SUGT1: variants seen among roughly 807,000 people sequenced by gnomAD.
SUGT1 encodes protein SGT1 homolog.
SUGT1 carries 15 observed loss-of-function variants against 56.1 expected under a neutral mutation model. The ratio of observed to expected loss-of-function variants is 0.27; its 90% CI spans 0.18 to 0.41. The LOEUF (loss-of-function observed/expected upper bound fraction) is 0.41, where lower values mean the gene tolerates loss of function less well. Among genes scored for constraint, SUGT1 ranks in the 10% least tolerant of loss-of-function variants. The probability of loss-of-function intolerance (pLI) is 1.00; values close to 1 mark genes in which losing one functional copy is unlikely to be tolerated. For synonymous variants in SUGT1, 123 were observed against 128.6 expected, an observed-to-expected ratio of 0.96 and a Z score of 0.30; for missense variants, 347 against 382.2, an observed-to-expected ratio of 0.91 and a Z score of 0.77.
chr13:52,683,854 G>A (rs1963467853), intron 12 of SUGT1, among the ~76,000 whole-genome samples: 1 of 152,022 alleles, frequency 6.6e-6, no homozygotes, highest in African/African-American at 2.4e-5. Context: ...CAAGTTGTCA[G>A]TGTTTGTATA....
intron 2 of SUGT1, among the ~76,000 whole-genome samples, chr13:52,656,082 G>C (rs1405063198): frequency 6.6e-6 from 1 of 152,142 alleles, no homozygotes; most frequent in African/African-American, 2.4e-5. Flanking sequence ...ATTTTATAAG[G>C]GGTTATTAGT....
intron 8 of SUGT1, among the ~76,000 whole-genome samples, chr13:52,665,394 G>A (rs565844806): frequency 3.3e-5 from 5 of 152,240 alleles, no homozygotes; most frequent in African/African-American, 1.2e-4. Context: ...TCAGAACCCA[G>A]AAAATCATGC....
chr13:52,688,296 T>A lies in SUGT1; in HGVS notation c.*461T>A, dbSNP rs1963671141. Reference sequence around the variant, plus strand: ...TGTAAATACAATTTTTCTATGAAGATGTTTGGTTTATTTACCTTTTTCTTA... The same window carrying A: ...TGTAAATACAATTTTTCTATGAAGAAGTTTGGTTTATTTACCTTTTTCTTA... On this transcript the variant is annotated 3_prime_UTR_variant, in exon 13 of 13. Coordinates refer to ENST00000310528, the MANE Select transcript of SUGT1 (RefSeq NM_006704.5). The A allele has an allele frequency of 6.5e-6, 1 of 152,674 alleles. No homozygotes were observed. Among genetic ancestry groups the A allele is most frequent in the Non-Finnish European group, 1.5e-5 (1 of 68,050 alleles). 9.5% of individuals were successfully genotyped at this position (152,674 alleles called of 1,614,324 possible).
At chr13:52,671,101 TG>T (rs1390868914) in intron 10 of SUGT1, among the ~76,000 whole-genome samples, 1 of 151,794 alleles carries the variant, frequency 6.6e-6, no homozygotes, top group Non-Finnish European at 1.5e-5. Flanking sequence ...TATAATGGAA[TG>T]GGGTATCTGG....
chr13:52,654,360 C>T (rs537499653), intron 2 of SUGT1, among the ~76,000 whole-genome samples: 1 of 152,250 alleles, frequency 6.6e-6, no homozygotes, highest in African/African-American at 2.4e-5. Context: ...CTAGTGCTTC[C>T]TTTGGGAATC....
chr13:52,659,985 C>T lies in SUGT1; in HGVS notation c.328+736C>T, dbSNP rs1447048259. ...CTGGGACTACAGGCGACCACCACCA[C>T]GCCCGGCCAATTTTTTTGTATTTTT... On this transcript the variant is annotated intron_variant, in intron 5 of 12. Transcript: ENST00000310528. 4.6e-5 allele frequency among the ~76,000 whole-genome samples: 7 copies of T among 151,024 alleles called. No individual in the cohort carries two copies. In the East Asian group the frequency reaches 1.2e-3, roughly 25 times the overall value.
intron 10 of SUGT1, among the ~76,000 whole-genome samples, chr13:52,668,216 G>A (rs758354816): frequency 6.6e-6 from 1 of 152,096 alleles, no homozygotes; most frequent in Non-Finnish European, 1.5e-5. Context: ...TCCTGACCAC[G>A]TGATCTGCCC....
chr13:52,673,734 A>G (rs941365793), intron 10 of SUGT1, among the ~76,000 whole-genome samples: 37 of 152,210 alleles, frequency 2.4e-4, no homozygotes, highest in Admixed American at 1.2e-3. Flanking sequence ...TAATGTGGTG[A>G]TGTACACAGT....
intron 5 of SUGT1, among the ~76,000 whole-genome samples, chr13:52,661,768 C>A (rs1428884254): frequency 2.0e-5 from 3 of 152,060 alleles, no homozygotes; most frequent in African/African-American, 7.2e-5. Context: ...TACAATAGTT[C>A]TCTAGAATAC....
rs761070155 is a variant in SUGT1 at position 52,652,952 on chromosome 13, C to T, written c.32C>T (p.Ser11Phe). 6.2e-7 allele frequency: 1 copy of T among 1,614,220 alleles called. No homozygotes were observed. Among genetic ancestry groups the T allele is most frequent in the South Asian group, 1.1e-5 (1 of 91,078 alleles). The change falls in exon 1 of 13, where the codon TCC (serine) becomes TTC (phenylalanine). Residue 11 changes from serine (S) to phenylalanine (F), a missense_variant. Ser to Phe is a radical substitution (Grantham distance 155). Transcript: ENST00000310528. MAAAAAGTAT[S>F]QRFFQSFSDA... ...GCGGCTGCAGCAGGAACTGCAACAT[C>T]CCAGAGGTGCATGTTTTTCTTTCCC...
intron 12 of SUGT1, among the ~76,000 whole-genome samples, chr13:52,682,055 A>T (rs1303818306): frequency 6.6e-6 from 1 of 151,980 alleles, no homozygotes; most frequent in African/African-American, 2.4e-5. Context: ...GAACCAAAAT[A>T]TTTCATTTTG....
intron 10 of SUGT1, among the ~76,000 whole-genome samples, chr13:52,672,178 A>G (rs1594244317): frequency 6.6e-6 from 1 of 152,298 alleles, no homozygotes; most frequent in East Asian, 1.9e-4. Context: ...TTAGGAAGTA[A>G]TCACTCAGAC....
chr13:52,664,117 C>G (rs1337328431), intron 8 of SUGT1, 60 bp downstream of exon 8: 19 of 1,530,610 alleles, frequency 1.2e-5, no homozygotes, highest in Non-Finnish European at 1.6e-5. Flanking sequence ...GGAAGAAACC[C>G]TGTAGTTTAA....
chr13:52,656,051 A>C (rs1265116251), intron 2 of SUGT1, among the ~76,000 whole-genome samples: 1 of 152,244 alleles, frequency 6.6e-6, no homozygotes, highest in Non-Finnish European at 1.5e-5. Context: ...AGAGAGATCA[A>C]GTCAGATAGG....
rs1041442869 is a variant in SUGT1 at position 52,695,681 on chromosome 13, C to T, written c.*7846C>T. 1 of 152,214 alleles carries T rather than the reference C, an allele frequency of 6.6e-6. No individual in the cohort carries two copies. The highest frequency in any genetic ancestry group is 1.5e-5 in the Non-Finnish European group (1 of 68,036). 9.4% of individuals were successfully genotyped at this position (152,214 alleles called of 1,614,324 possible). ...CCCCAGCCAAAATTTTTGGCCACAT[C>T]TCTTGTCACTGCTTTGCTGTGTACT... is the stretch of plus-strand genomic sequence containing the variant. On this transcript the variant is annotated 3_prime_UTR_variant, in exon 13 of 13. Coordinates refer to ENST00000310528, the MANE Select transcript of SUGT1 (RefSeq NM_006704.5).
At chr13:52,663,259 A>G (rs1962546235) in intron 7 of SUGT1, 147 bp downstream of exon 7, 3 of 713,978 alleles carry the variant, frequency 4.2e-6, no homozygotes, top group Non-Finnish European at 4.3e-6. Context: ...GCACTGAAAT[A>G]AAATCATTTT....
At chr13:52,672,365 C>A (rs933556064) in intron 10 of SUGT1, among the ~76,000 whole-genome samples, 7 of 152,144 alleles carry the variant, frequency 4.6e-5, no homozygotes, top group African/African-American at 1.7e-4. Flanking sequence ...AGCACTGTTT[C>A]TGGCACAGAG....
intron 12 of SUGT1, among the ~76,000 whole-genome samples, chr13:52,684,933 C>G (rs940512367): frequency 4.0e-5 from 6 of 151,494 alleles, no homozygotes; most frequent in Non-Finnish European, 7.4e-5. Context: ...CTTGTTTGTG[C>G]CCCTTGGTGT....
intron 12 of SUGT1, among the ~76,000 whole-genome samples, chr13:52,684,993 C>A (rs551368037): frequency 6.6e-6 from 1 of 151,658 alleles, no homozygotes; most frequent in African/African-American, 2.4e-5. Flanking sequence ...AAAAAGAAAA[C>A]CCAGAATTTG....
Sources: allele counts gnomAD v4.1 joint callset (sites outside exome capture counted in the v4.1 genomes callset), GRCh38; gene constraint gnomAD v4.1.1; transcripts MANE v1.5; gene names NCBI Gene and HGNC (gene_info 2026-07-23, HGNC 2026-07-21).